The following CNTLN variants were observed in gnomAD, a reference collection of about 807,000 sequenced individuals.
CNTLN encodes centlein, centrosomal protein.
CNTLN carries 212 observed loss-of-function variants against 180.0 expected under a neutral mutation model. The ratio of observed to expected loss-of-function variants is 1.18; its 90% CI spans 1.05 to 1.32. The LOEUF (loss-of-function observed/expected upper bound fraction) is 1.32. Ranked by LOEUF, CNTLN falls within the 40% of genes most tolerant of loss-of-function variation. The pLI, the probability that CNTLN is intolerant of heterozygous loss-of-function variation, is 0.00. For missense variants in CNTLN, 2,095 were observed against 1,610.9 expected (o/e 1.30, Z -5.14); for synonymous variants, 722 against 563.1 (o/e 1.28, Z -3.99).
chr9:17,196,620 A>G (rs1006628412), intron 2 of CNTLN, among the ~76,000 whole-genome samples: 2 of 151,570 alleles, frequency 1.3e-5, no homozygotes, highest in African/African-American at 4.8e-5. Flanking sequence ...TGAGTTGTGG[A>G]TTCACTTAAG....
intron 14 of CNTLN, among the ~76,000 whole-genome samples, chr9:17,389,312 G>C (rs931323505): frequency 2.0e-5 from 3 of 152,078 alleles, no homozygotes; most frequent in Non-Finnish European, 2.9e-5. Flanking sequence ...TGCACTACCA[G>C]CTAGGATGTC....
chr9:17,487,737 C>T (rs1346970055), intron 25 of CNTLN, among the ~76,000 whole-genome samples: 1 of 152,092 alleles, frequency 6.6e-6, no homozygotes, highest in Admixed American at 6.6e-5. Context: ...GTTGAGACTG[C>T]TGCTGTGACC....
downstream of CNTLN, among the ~76,000 whole-genome samples, chr9:17,507,972 C>G (rs1203796930): frequency 6.6e-6 from 1 of 152,154 alleles, no homozygotes; most frequent in Non-Finnish European, 1.5e-5. Context: ...CTTCTGTACT[C>G]TTACATTTTG....
At chr9:17,237,374 C>A (rs1343480751) in intron 5 of CNTLN, among the ~76,000 whole-genome samples, 1 of 136,290 alleles carries the variant, frequency 7.3e-6, no homozygotes. Context: ...CACACACACA[C>A]ACACACACAC....
chr9:17,151,378 G>A (rs922177654), intron 2 of CNTLN, among the ~76,000 whole-genome samples: 1 of 152,126 alleles, frequency 6.6e-6, no homozygotes, highest in Non-Finnish European at 1.5e-5. Flanking sequence ...TTTTATTGAA[G>A]GCCTTTTCTG....
At chr9:17,212,132 C>T (rs969453752) in intron 2 of CNTLN, among the ~76,000 whole-genome samples, 12 of 152,094 alleles carry the variant, frequency 7.9e-5, no homozygotes, top group African/African-American at 2.4e-4. Context: ...TGTCTTGTGC[C>T]AGTTTTCAAA....
chr9:17,183,176 TATC>T (rs1283044613), intron 2 of CNTLN, among the ~76,000 whole-genome samples: 1 of 152,212 alleles, frequency 6.6e-6, no homozygotes, highest in East Asian at 1.9e-4. Context: ...CATCAGGAAT[TATC>T]ATTTACATAT....
intron 23 of CNTLN, among the ~76,000 whole-genome samples, chr9:17,469,559 C>G (rs1328704701): frequency 2.0e-5 from 3 of 151,766 alleles, no homozygotes; most frequent in African/African-American, 7.2e-5. Flanking sequence ...TCATCAATGA[C>G]TCCTTAACTA....
intron 18 of CNTLN, among the ~76,000 whole-genome samples, chr9:17,430,305 C>T (rs1317697285): frequency 6.6e-6 from 1 of 151,934 alleles, no homozygotes; most frequent in Non-Finnish European, 1.5e-5. Context: ...TTTCAATTGT[C>T]ACCCATTAGT....
intron 23 of CNTLN, among the ~76,000 whole-genome samples, chr9:17,480,869 A>T (rs1832605037): frequency 6.6e-6 from 1 of 152,246 alleles, no homozygotes; most frequent in South Asian, 2.1e-4. Flanking sequence ...TGAATTTTAG[A>T]TATTAGAAAA....
At chr9:17,260,673 T>C (rs2132361736) in intron 5 of CNTLN, among the ~76,000 whole-genome samples, 2 of 151,636 alleles carry the variant, frequency 1.3e-5, no homozygotes, top group Middle Eastern at 3.4e-3. Flanking sequence ...GCTCTTTAGC[T>C]ATGCAGAAGC....
chr9:17,448,565 C>G (rs1830588608), intron 18 of CNTLN: 1 of 152,324 alleles, frequency 6.6e-6, no homozygotes, highest in Non-Finnish European at 1.5e-5. Flanking sequence ...CTGCTGCCAC[C>G]TCATAGAGCT....
chr9:17,385,345 C>G lies in CNTLN; in HGVS notation c.1988-2817C>G, dbSNP rs557453559. On this transcript the variant is annotated intron_variant, in intron 13 of 25. Coordinates refer to ENST00000380647, the MANE Select transcript of CNTLN (RefSeq NM_017738.4). ...GAATTCAGTCTCCATTTCCTCTCCC[C>G]TCTGCAGAGGCCTGGTGGTGGGGCT... Among the ~76,000 whole-genome samples, 3 of 152,276 alleles carry G rather than the reference C, an allele frequency of 2.0e-5. No individual in the cohort carries two copies. The South Asian group carries it at 6.2e-4, about 32-fold the overall frequency.
intron 15 of CNTLN, among the ~76,000 whole-genome samples, chr9:17,399,352 T>G (rs1826787236): frequency 6.6e-6 from 1 of 152,218 alleles, no homozygotes; most frequent in Non-Finnish European, 1.5e-5. Context: ...TTCTATTTTC[T>G]CTTATCATTA....
intron 8 of CNTLN, among the ~76,000 whole-genome samples, chr9:17,322,232 T>C (rs1819964150): frequency 6.6e-6 from 1 of 152,122 alleles, no homozygotes; most frequent in Non-Finnish European, 1.5e-5. Flanking sequence ...CAGTAAAATA[T>C]AATGTTATGA....
intron 14 of CNTLN, among the ~76,000 whole-genome samples, chr9:17,393,320 G>A (rs1826252851): frequency 1.3e-5 from 2 of 152,186 alleles, no homozygotes; most frequent in Admixed American, 1.3e-4. Context: ...GACCATCGGA[G>A]TTGTCAGTAT....
chr9:17,306,031 A>G (rs1563979337), intron 7 of CNTLN, among the ~76,000 whole-genome samples: 1 of 152,190 alleles, frequency 6.6e-6, no homozygotes, highest in Non-Finnish European at 1.5e-5. Context: ...GTAGTCTTAC[A>G]CACCTAGTCA....
intron 18 of CNTLN, among the ~76,000 whole-genome samples, chr9:17,449,422 C>G (rs1215232746): frequency 1.3e-5 from 2 of 151,886 alleles, no homozygotes; most frequent in Non-Finnish European, 2.9e-5. Flanking sequence ...GTGCAGCGCA[C>G]CAGCGTGGCA....
rs147805027 is a variant in CNTLN at position 17,495,297 on chromosome 9, A to G, written c.4120-7254A>G. ...TTCAGGAGGTATTCCAGAAGAAGGC[A>G]TTGTTAACATAGGAGGTGACAGCTC... is the stretch of plus-strand genomic sequence containing the variant. On this transcript the variant is annotated intron_variant, in intron 25 of 25. Transcript: ENST00000380647. 9.1e-4 allele frequency among the ~76,000 whole-genome samples: 139 copies of G among 152,020 alleles called. 1 individual carries two copies. The highest frequency in any genetic ancestry group is 3.2e-3 in the African/African-American group (132 of 41,506).
Sources: gnomAD v4.1 joint callset for allele counts (sites outside exome capture counted in the v4.1 genomes callset) on GRCh38, gnomAD v4.1.1 for gene constraint, MANE v1.5 for transcripts, NCBI Gene and HGNC (gene_info 2026-07-23, HGNC 2026-07-21) for gene names.